The following CAMKMT variants were observed in gnomAD, a reference collection of about 807,000 sequenced individuals.
CAMKMT encodes calmodulin-lysine N-methyltransferase.
In CAMKMT, 53 loss-of-function variants were observed where a neutral mutation model predicts 48.0. That is an observed-to-expected ratio of 1.10 (90% CI 0.89 to 1.39). CAMKMT has a LOEUF of 1.39. Among genes scored for constraint, CAMKMT ranks in the 40% most tolerant of loss-of-function variants. CAMKMT has a pLI of 0.00. For missense variants in CAMKMT, 428 were observed against 402.7 expected (o/e 1.06, Z -0.54); for synonymous variants, 165 against 152.3 (o/e 1.08, Z -0.61).
chr2:44,640,455 C>T (rs568441509), intron 3 of CAMKMT, among the ~76,000 whole-genome samples: 126 of 152,292 alleles, frequency 8.3e-4, no homozygotes, highest in African/African-American at 2.9e-3. Context: ...ACCGCATGGG[C>T]TTTGGAATTA....
intron 9 of CAMKMT, among the ~76,000 whole-genome samples, chr2:44,764,626 A>T (rs1680760563): frequency 6.6e-6 from 1 of 152,136 alleles, no homozygotes; most frequent in Non-Finnish European, 1.5e-5. Flanking sequence ...CCGCTGTTTA[A>T]TGGTGGAGAC....
At chr2:44,602,520 A>C (rs1419397431) in intron 3 of CAMKMT, among the ~76,000 whole-genome samples, 1 of 152,076 alleles carries the variant, frequency 6.6e-6, no homozygotes, top group Non-Finnish European at 1.5e-5. Context: ...GTCTGTTCTC[A>C]CACTGCTCTA....
intron 3 of CAMKMT, among the ~76,000 whole-genome samples, chr2:44,484,151 AC>A (rs965799306): frequency 1.3e-5 from 2 of 152,004 alleles, no homozygotes; most frequent in Non-Finnish European, 1.5e-5. Context: ...CAGAAGAGAT[AC>A]TATTAGCAGA....
chr2:44,720,882 T>C (rs879372580), intron 7 of CAMKMT, among the ~76,000 whole-genome samples: 2 of 152,216 alleles, frequency 1.3e-5, no homozygotes, highest in African/African-American at 2.4e-5. Context: ...GGTGTTTCAC[T>C]AGCATTTTTA....
chr2:44,382,855 T>C (rs1680393056), intron 2 of CAMKMT, among the ~76,000 whole-genome samples: 2 of 152,252 alleles, frequency 1.3e-5, no homozygotes, highest in African/African-American at 4.8e-5. Flanking sequence ...GCTCTATTTT[T>C]ATGGAAAGGG....
chr2:44,738,789 T>G (rs533684693), intron 7 of CAMKMT, among the ~76,000 whole-genome samples: 1 of 152,230 alleles, frequency 6.6e-6, no homozygotes, highest in African/African-American at 2.4e-5. Context: ...GTTTTAGAAG[T>G]GCTGGACTGA....
intron 3 of CAMKMT, among the ~76,000 whole-genome samples, chr2:44,585,047 T>C: frequency 6.7e-6 from 1 of 150,006 alleles, no homozygotes; most frequent in African/African-American, 2.5e-5. Context: ...AGAGCGAGAC[T>C]CCGTCTGAAA....
chr2:44,531,475 G>A (rs1289113208), intron 3 of CAMKMT, among the ~76,000 whole-genome samples: 1 of 152,082 alleles, frequency 6.6e-6, no homozygotes. Context: ...ACACTGCTGT[G>A]CTGATGTGGA....
rs11440012 is a variant in CAMKMT at position 44,381,940 on chromosome 2, C to CTT, written c.312-8284_312-8283dup. Among the ~76,000 whole-genome samples, 423 of 124,784 alleles carry CTT rather than the reference C, an allele frequency of 3.4e-3. 12 individuals carry two copies. The highest frequency in any genetic ancestry group is 5.0e-3 in the Non-Finnish European group (306 of 61,036). The allele number at this position is 124,784 out of a possible 152,430, so 81.9% of individuals were successfully genotyped here. Reference sequence around the variant, plus strand: ...ATAATTTTAATAGTTTTATCTTACACTTTTTTTTTTTTTTTTTTGAGATGG... The same window carrying CTT: ...ATAATTTTAATAGTTTTATCTTACACTTTTTTTTTTTTTTTTTTTTGAGATGG... On this transcript the variant is annotated intron_variant, in intron 2 of 10. Coordinates refer to ENST00000378494, the MANE Select transcript of CAMKMT (RefSeq NM_024766.5).
At chr2:44,409,288 G>T (rs76191726) in intron 3 of CAMKMT, among the ~76,000 whole-genome samples, 4,713 of 151,678 alleles carry the variant, frequency 0.031, 204 homozygotes, top group African/African-American at 0.1. Context: ...TTAATAGTTA[G>T]TTGACATTTG....
chr2:44,604,687 T>G (rs111771545), intron 3 of CAMKMT, among the ~76,000 whole-genome samples: 2 of 152,094 alleles, frequency 1.3e-5, no homozygotes, highest in African/African-American at 4.8e-5. Context: ...CTGTAAACTT[T>G]CAGGATCTCC....
At chr2:44,506,704 A>G (rs1572672128) in intron 3 of CAMKMT, among the ~76,000 whole-genome samples, 1 of 152,322 alleles carries the variant, frequency 6.6e-6, no homozygotes, top group Middle Eastern at 3.4e-3. Context: ...GTATAAATAT[A>G]GTTCAAGAAA....
chr2:44,667,567 C>G (rs768027786), intron 3 of CAMKMT, among the ~76,000 whole-genome samples: 1 of 152,184 alleles, frequency 6.6e-6, no homozygotes, highest in Non-Finnish European at 1.5e-5. Context: ...TTCTCAAAGT[C>G]TTCAACATCC....
chr2:44,511,598 C>A (rs1204510044), intron 3 of CAMKMT, among the ~76,000 whole-genome samples: 1 of 152,148 alleles, frequency 6.6e-6, no homozygotes, highest in African/African-American at 2.4e-5. Context: ...CTATTTCATT[C>A]CTTTTTATGG....
chr2:44,630,309 G>T (rs1213641867), intron 3 of CAMKMT, among the ~76,000 whole-genome samples: 1 of 152,000 alleles, frequency 6.6e-6, no homozygotes, highest in Admixed American at 6.6e-5. Flanking sequence ...GAAAACCTAG[G>T]CATTACCATT....
At chr2:44,395,504 G>A (rs1681750348) in intron 3 of CAMKMT, among the ~76,000 whole-genome samples, 1 of 151,960 alleles carries the variant, frequency 6.6e-6, no homozygotes, top group African/African-American at 2.4e-5. Context: ...TGAAAAAGTT[G>A]GGCTTTTATG....
At chr2:44,385,179 T>C (rs913247791) in intron 2 of CAMKMT, among the ~76,000 whole-genome samples, 2 of 152,194 alleles carry the variant, frequency 1.3e-5, no homozygotes, top group Non-Finnish European at 1.5e-5. Flanking sequence ...GTAGTTTTCC[T>C]TGTAGAGGTC....
intron 3 of CAMKMT, among the ~76,000 whole-genome samples, chr2:44,555,636 T>C (rs1667966946): frequency 6.6e-6 from 1 of 151,874 alleles, no homozygotes. Flanking sequence ...TGAGAGTGGG[T>C]GAGATTAAGA....
chr2:44,484,196 G>GTT (rs535607687), intron 3 of CAMKMT, among the ~76,000 whole-genome samples: 2 of 143,372 alleles, frequency 1.4e-5, no homozygotes, highest in Non-Finnish European at 3.1e-5. Context: ...GAGCCAATGG[G>GTT]TTTTTTTTTT....
Sources: gnomAD v4.1 joint callset for allele counts (sites outside exome capture counted in the v4.1 genomes callset) on GRCh38, gnomAD v4.1.1 for gene constraint, MANE v1.5 for transcripts, NCBI Gene and HGNC (gene_info 2026-07-23, HGNC 2026-07-21) for gene names.